Variants in AP1AR observed in about 807,000 individuals in gnomAD.
The protein encoded by AP1AR is AP-1 complex-associated regulatory protein.
In AP1AR, 29 loss-of-function variants were observed where a neutral mutation model predicts 46.3. The ratio of observed to expected loss-of-function variants is 0.63; its 90% CI spans 0.47 to 0.85. The LOEUF is 0.85. AP1AR is among the 40% of genes least tolerant of loss of function. AP1AR has a pLI of 0.00. For synonymous variants in AP1AR, 122 were observed against 122.9 expected (o/e 0.99, Z 0.05); for missense variants, 357 against 356.3 (o/e 1.00, Z -0.02).
chr4:112,251,156 T>G (rs1725945110), intron 1 of AP1AR, among the ~76,000 whole-genome samples: 1 of 152,162 alleles, frequency 6.6e-6, no homozygotes, highest in African/African-American at 2.4e-5. Flanking sequence ...AGAAGGATAT[T>G]GTCTCTCCCT....
At position 112,248,396 on chromosome 4, in the gene AP1AR, A is replaced by T. The variant is rs72894922; in HGVS notation, c.84-4812A>T. On this transcript the variant is annotated intron_variant, in intron 1 of 9. Transcript: ENST00000274000. ...TAGATAATATTAAAGAAATTATTTT[A>T]AATTTTGTTGGTATGTTAGCTTTTT... 8.4e-3 allele frequency among the ~76,000 whole-genome samples: 1,284 copies of T among 152,342 alleles called. 18 individuals are homozygous for T. The highest frequency in any genetic ancestry group is 0.029 in the African/African-American group (1,209 of 41,576).
Position 112,231,899 on chromosome 4 carries a change from A to C in AP1AR, c.-193A>C. The C allele has an allele frequency of 2.3e-6, 1 of 426,310 alleles. No homozygotes were observed. Among genetic ancestry groups the C allele is most frequent in the Non-Finnish European group, 4.0e-6 (1 of 249,268 alleles). The allele number at this position is 426,310 out of a possible 1,614,324, so 26.4% of individuals were successfully genotyped here. A position where few individuals can be genotyped will look rare whatever the true frequency, so the allele number is the denominator to read the frequency against. On this transcript the variant is annotated 5_prime_UTR_variant, in exon 1 of 10. Transcript: ENST00000274000. ...GCAGCGGTGGCTCTGCGGCCGCTGG[A>C]GTAAACACTGCCTTTGTTCCCTAGC...
At chr4:112,255,476 C>T (rs1378672398) in intron 3 of AP1AR, among the ~76,000 whole-genome samples, 2 of 152,124 alleles carry the variant, frequency 1.3e-5, no homozygotes, top group African/African-American at 4.8e-5. Context: ...CGCTATGTTG[C>T]CCAGGCTGGA....
At chr4:112,254,607 G>A (rs1337384651) in intron 2 of AP1AR, 140 bp from the exon 3 acceptor site, 2 of 471,598 alleles carry the variant, frequency 4.2e-6, no homozygotes, top group East Asian at 7.4e-5. Flanking sequence ...ATGAAATGAT[G>A]TATTAAAGAG....
chr4:112,249,727 T>A (rs1262321538), intron 1 of AP1AR, among the ~76,000 whole-genome samples: 2 of 152,092 alleles, frequency 1.3e-5, no homozygotes, highest in African/African-American at 4.8e-5. Flanking sequence ...CCTGTATATA[T>A]TGCATAGTGA....
rs1726888714 is a variant in AP1AR, at chr4:112,270,068, C to G, written c.*1659C>G. The G allele has an allele frequency of 6.6e-6, 1 of 152,400 alleles. No individual in the cohort carries two copies. Among genetic ancestry groups the G allele is most frequent in the Admixed American group, 6.6e-5 (1 of 15,242 alleles). 9.4% of individuals were successfully genotyped at this position (152,400 alleles called of 1,614,324 possible). On this transcript the variant is annotated 3_prime_UTR_variant, in exon 10 of 10. Transcript: ENST00000274000. Reference sequence around the variant, plus strand: ...CACTTAAAGGTAATAAGTTATTTGACTATTATTGGTTTTACTCCATAAACA... The same window carrying G: ...CACTTAAAGGTAATAAGTTATTTGAGTATTATTGGTTTTACTCCATAAACA...
chr4:112,238,543 A>T (rs1725350658), intron 1 of AP1AR, among the ~76,000 whole-genome samples: 1 of 152,206 alleles, frequency 6.6e-6, no homozygotes, highest in Non-Finnish European at 1.5e-5. Flanking sequence ...GAAAAAATAT[A>T]AAAGTGTAAG....
chr4:112,247,127 A>G (rs1430688729), intron 1 of AP1AR, among the ~76,000 whole-genome samples: 1 of 152,168 alleles, frequency 6.6e-6, no homozygotes, highest in Admixed American at 6.5e-5. Flanking sequence ...CCATTTCTCG[A>G]TATTACTTAG....
In AP1AR at chr4:112,271,083, T is replaced by C. The variant is rs1352870853; in HGVS notation, c.*2674T>C. ...TAAAGGAAGGGGTAGAATCAGATAC[T>C]ACTGTAGGGGTAACACATCTGGCAT... On this transcript the variant is annotated 3_prime_UTR_variant, in exon 10 of 10. Transcript: ENST00000274000. Among the ~76,000 whole-genome samples the C allele has an allele frequency of 6.6e-6, 1 of 152,192 alleles. No individual in the cohort carries two copies. Among genetic ancestry groups the C allele is most frequent in the Non-Finnish European group, 1.5e-5 (1 of 68,020 alleles).
chr4:112,242,874 C>T (rs1483503311), intron 1 of AP1AR, among the ~76,000 whole-genome samples: 2 of 152,182 alleles, frequency 1.3e-5, no homozygotes, highest in Non-Finnish European at 2.9e-5. Context: ...TTAGAGACAG[C>T]TCACAGGACC....
At chr4:112,261,494 T>G (rs975341343) in intron 5 of AP1AR, among the ~76,000 whole-genome samples, 2 of 152,106 alleles carry the variant, frequency 1.3e-5, no homozygotes, top group Non-Finnish European at 2.9e-5. Context: ...ATAAGTGGTT[T>G]TTTGAAGAGT....
chr4:112,233,405 A>G (rs1477536674), intron 1 of AP1AR, among the ~76,000 whole-genome samples: 1 of 152,256 alleles, frequency 6.6e-6, no homozygotes, highest in Non-Finnish European at 1.5e-5. Flanking sequence ...CTTGAGTGGG[A>G]CATGACAGTT....
At chr4:112,260,324 A>C (rs926191270) in intron 4 of AP1AR, among the ~76,000 whole-genome samples, 1 of 152,228 alleles carries the variant, frequency 6.6e-6, no homozygotes, top group Non-Finnish European at 1.5e-5. Flanking sequence ...TGGGGAAGCC[A>C]GAGTGATTAA....
At chr4:112,237,411 C>T (rs1327190836) in intron 1 of AP1AR, among the ~76,000 whole-genome samples, 1 of 149,520 alleles carries the variant, frequency 6.7e-6, no homozygotes, top group Non-Finnish European at 1.5e-5. Flanking sequence ...TGGCCAAATA[C>T]AGTGTTTTCT....
chr4:112,232,024 C>T lies in AP1AR; in HGVS notation c.-68C>T. On this transcript the variant is annotated 5_prime_UTR_variant, in exon 1 of 10. Transcript: ENST00000274000. ...TTCGGCTCGTGCCGTGCGGATGCAG[C>T]TGCCGGGCCTGGGTTTGGGCATTGA... 7.8e-7 allele frequency: 1 copy of T among 1,289,532 alleles called. No individual in the cohort carries two copies. Among genetic ancestry groups the T allele is most frequent in the Non-Finnish European group, 1.0e-6 (1 of 1,004,118 alleles). 79.9% of individuals were successfully genotyped at this position (1,289,532 alleles called of 1,614,324 possible).
chr4:112,272,311 T>A lies in AP1AR; in HGVS notation c.*3902T>A, dbSNP rs542418443. 1.3e-5 allele frequency among the ~76,000 whole-genome samples: 2 copies of A among 152,164 alleles called. No homozygotes were observed. Among genetic ancestry groups the A allele is most frequent in the South Asian group, 4.2e-4 (2 of 4,814 alleles). ...GGAAGGGAAAATCTAACAGGAGACA[T>A]CTTGAGCTCATGGGCAACAACTTCC... On this transcript the variant is annotated 3_prime_UTR_variant, in exon 10 of 10. Coordinates refer to ENST00000274000, the MANE Select transcript of AP1AR (RefSeq NM_018569.6).
At chr4:112,252,043 G>A (rs182865065) in intron 1 of AP1AR, among the ~76,000 whole-genome samples, 4 of 152,130 alleles carry the variant, frequency 2.6e-5, no homozygotes, top group East Asian at 3.9e-4. Flanking sequence ...AAGAATTTGC[G>A]ACCAGGCTGG....
At position 112,269,823 on chromosome 4, in the gene AP1AR, T is replaced by A. The variant is rs1173723099; in HGVS notation, c.*1414T>A. On this transcript the variant is annotated 3_prime_UTR_variant, in exon 10 of 10. Transcript: ENST00000274000. Reference sequence around the variant, plus strand: ...GCTATTATTTATATCTGTCTTAACATAATTTAAGTTGTAGCTGTGTCTTGG... The same window carrying A: ...GCTATTATTTATATCTGTCTTAACAAAATTTAAGTTGTAGCTGTGTCTTGG... 1.3e-5 allele frequency: 2 copies of A among 152,550 alleles called. No individual in the cohort carries two copies. Among genetic ancestry groups the A allele is most frequent in the Admixed American group, 1.3e-4 (2 of 15,272 alleles). 9.4% of individuals were successfully genotyped at this position (152,550 alleles called of 1,614,324 possible). A position where few individuals can be genotyped will look rare whatever the true frequency, so the allele number is the denominator to read the frequency against.
intron 1 of AP1AR, 140 bp downstream of exon 1, chr4:112,232,314 C>G (rs554844548): frequency 2.7e-6 from 2 of 729,238 alleles, no homozygotes; most frequent in South Asian, 1.4e-4. Flanking sequence ...AGACGTCAGA[C>G]TGGTGGTCGT....
Sources: allele counts gnomAD v4.1 joint callset (sites outside exome capture counted in the v4.1 genomes callset), GRCh38; gene constraint gnomAD v4.1.1; transcripts MANE v1.5; gene names NCBI Gene and HGNC (gene_info 2026-07-23, HGNC 2026-07-21).